Variants in DISC1 observed in about 807,000 individuals in gnomAD.
DISC1 encodes the protein DISC1 scaffold protein.
A neutral mutation model predicts 84.5 loss-of-function variants in DISC1; 57 were observed. The ratio of observed to expected loss-of-function variants is 0.67; its 90% confidence interval spans 0.55 to 0.84. The LOEUF (loss-of-function observed/expected upper bound fraction) is 0.84, where lower values mean the gene tolerates loss of function less well. Among genes scored for constraint, DISC1 ranks in the 40% least tolerant of loss-of-function variants. The pLI, the probability that DISC1 is intolerant of heterozygous loss-of-function variation, is 0.00. For missense variants in DISC1, 1,000 were observed against 1,057.8 expected, an observed-to-expected ratio of 0.95 and a Z score of 0.76; for synonymous variants, 411 against 415.2, an observed-to-expected ratio of 0.99 and a Z score of 0.12.
rs139815998 is a variant in DISC1 at position 231,729,412 on chromosome 1, G to C, written c.1118-20514G>C. ...TCTACTTCTAGATCCCTGAGGAATCGTATAGAGGCATATTGGAGTCCAGTA... is the reference window on the plus strand; with the variant it reads ...TCTACTTCTAGATCCCTGAGGAATCCTATAGAGGCATATTGGAGTCCAGTA... On this transcript the variant is annotated intron_variant, in intron 3 of 12. Coordinates refer to ENST00000439617, the MANE Select transcript of DISC1 (RefSeq NM_018662.3). Among the ~76,000 whole-genome samples the C allele has an allele frequency of 1.5e-3, 226 of 152,320 alleles. 2 individuals carry two copies. Among genetic ancestry groups the C allele is most frequent in the African/African-American group, 5.3e-3 (222 of 41,578 alleles).
intron 12 of DISC1, among the ~76,000 whole-genome samples, chr1:232,034,213 A>G (rs2103067104): frequency 6.6e-6 from 1 of 152,330 alleles, no homozygotes; most frequent in South Asian, 2.1e-4. Flanking sequence ...CCCTGCTTTG[A>G]CAGAGCCTAA....
At chr1:231,741,157 G>A (rs920740903) in intron 3 of DISC1, among the ~76,000 whole-genome samples, 2 of 152,216 alleles carry the variant, frequency 1.3e-5, no homozygotes, top group South Asian at 2.1e-4. Flanking sequence ...CTCGGGCTAG[G>A]CTGGGGACAG....
chr1:231,795,010 A>G (rs2078647998), intron 6 of DISC1, among the ~76,000 whole-genome samples: 1 of 152,220 alleles, frequency 6.6e-6, no homozygotes, highest in Non-Finnish European at 1.5e-5. Context: ...CACTCTGGGC[A>G]TGATAAAATT....
chr1:231,874,103 G>C (rs2085672676), intron 9 of DISC1, among the ~76,000 whole-genome samples: 1 of 151,828 alleles, frequency 6.6e-6, no homozygotes, highest in Admixed American at 6.6e-5. Context: ...CTGCCTGTCG[G>C]CCTCCCAAAG....
At chr1:231,672,677 C>T (rs2125470522) in intron 1 of DISC1, among the ~76,000 whole-genome samples, 1 of 152,306 alleles carries the variant, frequency 6.6e-6, no homozygotes, top group East Asian at 1.9e-4. Context: ...CTGGTTGCTT[C>T]CCTTCTGTGG....
At chr1:231,796,114 A>G (rs2078746365) in intron 7 of DISC1, among the ~76,000 whole-genome samples, 2 of 152,170 alleles carry the variant, frequency 1.3e-5, no homozygotes, top group African/African-American at 4.8e-5. Flanking sequence ...CGTCTTCACT[A>G]TTCCCTGAGA....
chr1:231,650,872 C>T (rs1213648399), intron 1 of DISC1, among the ~76,000 whole-genome samples: 1 of 152,162 alleles, frequency 6.6e-6, no homozygotes, highest in African/African-American at 2.4e-5. Flanking sequence ...GAAGCTTGTG[C>T]ATGCGTCATG....
At chr1:231,768,209 C>T (rs1223311488) in intron 5 of DISC1, among the ~76,000 whole-genome samples, 1 of 152,076 alleles carries the variant, frequency 6.6e-6, no homozygotes, top group Non-Finnish European at 1.5e-5. Context: ...GAGTGGGGAG[C>T]GATGAGGACA....
chr1:231,655,185 A>G (rs4658933), intron 1 of DISC1, among the ~76,000 whole-genome samples: 27,558 of 152,128 alleles, frequency 0.18, 3,282 homozygotes, highest in East Asian at 0.49. Flanking sequence ...CTGAAGTCTG[A>G]AATTTTAGTG....
chr1:231,835,013 T>C (rs955283613), intron 9 of DISC1, among the ~76,000 whole-genome samples: 7 of 151,982 alleles, frequency 4.6e-5, no homozygotes, highest in African/African-American at 1.7e-4. Context: ...AAGGGAGAGA[T>C]TGAAGTGTGG....
chr1:231,844,364 G>A (rs1433266416), intron 9 of DISC1, among the ~76,000 whole-genome samples: 1 of 152,168 alleles, frequency 6.6e-6, no homozygotes, highest in Non-Finnish European at 1.5e-5. Context: ...TGGAAGAGAT[G>A]CATAGGACAA....
intron 3 of DISC1, chr1:231,721,081 T>C (rs569275829): frequency 1.5e-6 from 2 of 1,290,762 alleles, no homozygotes; most frequent in African/African-American, 3.0e-5. Context: ...AGGTCTGTCC[T>C]GATGTGAGAA....
intron 9 of DISC1, among the ~76,000 whole-genome samples, chr1:231,925,197 C>A (rs972147747): frequency 2.0e-5 from 3 of 152,090 alleles, no homozygotes; most frequent in Non-Finnish European, 2.9e-5. Context: ...GGCCCCAACC[C>A]GAACACAGGA....
intron 9 of DISC1, among the ~76,000 whole-genome samples, chr1:231,929,095 G>T (rs1002621149): frequency 6.6e-6 from 1 of 152,088 alleles, no homozygotes; most frequent in African/African-American, 2.4e-5. Context: ...GAGCTGAGTT[G>T]AAGTCCTGAA....
intron 1 of DISC1, among the ~76,000 whole-genome samples, chr1:231,688,566 A>C (rs143086546): frequency 6.6e-6 from 1 of 152,212 alleles, no homozygotes; most frequent in Non-Finnish European, 1.5e-5. Flanking sequence ...GGGGTGGCAC[A>C]TAACTTGGAG....
chr1:231,866,771 G>T, intron 9 of DISC1: 1 of 1,241,714 alleles, frequency 8.1e-7, no homozygotes, highest in Non-Finnish European at 1.0e-6. Context: ...CAACCTTGAC[G>T]AAAGGGTATA....
chr1:231,829,679 C>G (rs118170227), intron 9 of DISC1, among the ~76,000 whole-genome samples: 1 of 152,160 alleles, frequency 6.6e-6, no homozygotes, highest in Non-Finnish European at 1.5e-5. Flanking sequence ...GTTTCACTCA[C>G]GTCCGTGTGA....
intron 6 of DISC1, among the ~76,000 whole-genome samples, chr1:231,793,602 G>C (rs2078516725): frequency 6.6e-6 from 1 of 152,136 alleles, no homozygotes; most frequent in Non-Finnish European, 1.5e-5. Context: ...TGCTGAAGAG[G>C]CCTGTCTGGT....
chr1:231,858,114 A>C (rs1288365651), intron 9 of DISC1, among the ~76,000 whole-genome samples: 2 of 152,264 alleles, frequency 1.3e-5, no homozygotes, highest in African/African-American at 4.8e-5. Context: ...GTTTCACCAA[A>C]AAAGCAAAAT....
Sources: gnomAD v4.1 joint callset for allele counts (sites outside exome capture counted in the v4.1 genomes callset) on GRCh38, gnomAD v4.1.1 for gene constraint, MANE v1.5 for transcripts, NCBI Gene and HGNC (gene_info 2026-07-23, HGNC 2026-07-21) for gene names.